The following DAND5 variants were observed in gnomAD, a reference collection of about 807,000 sequenced individuals.
DAND5 encodes DAN domain family member 5.
Under a neutral mutation model 9.2 loss-of-function variants are expected in DAND5, and 8 were observed. That is an observed-to-expected ratio of 0.87 (90% confidence interval 0.51 to 1.56). The LOEUF is 1.56. Ranked by LOEUF, DAND5 falls within the 40% of genes most tolerant of loss-of-function variation. DAND5 has a pLI of 0.00. For missense variants in DAND5, 244 were observed against 244.7 expected (o/e 1.00, Z 0.02); for synonymous variants, 95 against 101.1 (o/e 0.94, Z 0.36).
Position 12,973,862 on chromosome 19 carries a change from AC to A in DAND5, c.*229del. ...CACAGCACACAATGATTGACAACTC[AC>A]TTTTTTTTTTTTTTTTTGAGATGGA... On this transcript the variant is annotated 3_prime_UTR_variant, in exon 2 of 2. Coordinates refer to ENST00000317060, the MANE Select transcript of DAND5 (RefSeq NM_152654.3). 1 of 482,548 alleles carries A rather than the reference AC, an allele frequency of 2.1e-6. No individual in the cohort carries two copies. The highest frequency in any genetic ancestry group is 3.5e-6 in the Non-Finnish European group (1 of 288,184). The allele number at this position is 482,548 out of a possible 1,614,324, so 29.9% of individuals were successfully genotyped here.
intron 1 of DAND5, 115 bp downstream of exon 1, chr19:12,970,099 G>T: frequency 7.9e-7 from 1 of 1,270,782 alleles, no homozygotes. Flanking sequence ...TGAATGTCTC[G>T]GTGCCTCAGT....
intron 1 of DAND5, among the ~76,000 whole-genome samples, chr19:12,972,113 C>T (rs888572299): frequency 5.4e-5 from 8 of 147,914 alleles, no homozygotes; most frequent in African/African-American, 1.5e-4. Context: ...GGCTGGAGTG[C>T]GGTGGTGGGA....
In DAND5 at chr19:12,969,983, A is replaced by G. The variant is rs1272026871; in HGVS notation, c.323A>G (p.Gln108Arg). 1.2e-6 allele frequency: 2 copies of G among 1,613,478 alleles called. No homozygotes were observed. The highest frequency in any genetic ancestry group is 1.7e-6 in the Non-Finnish European group (2 of 1,179,988). The change falls in exon 1 of 2, where the codon CAG (glutamine) becomes CGG (arginine). Residue 108 changes from glutamine to arginine, a missense_variant and splice_region_variant. Gln to Arg is a conservative substitution (Grantham distance 43). Coordinates refer to ENST00000317060, the MANE Select transcript of DAND5 (RefSeq NM_152654.3). The part of the protein sequence containing the change: ...QGMCKAVPFV[Q>R]VFSRPGCSAI... ...ATGTGTAAGGCTGTGCCCTTCGTTC[A>G]GGTGAGTGGGTGGGTGTGGGGAGGA... is the stretch of plus-strand genomic sequence containing the variant.
At chr19:12,973,082 T>A (rs894594278) in intron 1 of DAND5, among the ~76,000 whole-genome samples, 1 of 151,290 alleles carries the variant, frequency 6.6e-6, no homozygotes, top group African/African-American at 2.4e-5. Context: ...CAGGATGGTC[T>A]CGATCTGCTG....
At chr19:12,970,636 T>C in intron 1 of DAND5, 2 of 467,890 alleles carry the variant, frequency 4.3e-6, no homozygotes, top group East Asian at 3.3e-5. Context: ...TTTTTCTTTT[T>C]TTCTCTTTCT....
At chr19:12,971,575 C>A (rs1254700500) in intron 1 of DAND5, among the ~76,000 whole-genome samples, 1 of 151,850 alleles carries the variant, frequency 6.6e-6, no homozygotes, top group Non-Finnish European at 1.5e-5. Context: ...CTGCACCCGG[C>A]CTTCTTTACT....
rs556550672 is a variant in DAND5 at position 12,974,477 on chromosome 19, C to A, written c.*843C>A. ...CCAGTTGCAGGGAGGGTAGATGGCC[C>A]CACCCAGACCGAGAGACACAGTGAT... On this transcript the variant is annotated 3_prime_UTR_variant, in exon 2 of 2. Transcript: ENST00000317060. 6.6e-6 allele frequency: 1 copy of A among 152,052 alleles called. No homozygotes were observed. Among genetic ancestry groups the A allele is most frequent in the Admixed American group, 6.6e-5 (1 of 15,170 alleles). The allele number at this position is 152,052 out of a possible 1,614,324, so 9.4% of individuals were successfully genotyped here. A position where few individuals can be genotyped will look rare whatever the true frequency, so the allele number is the denominator to read the frequency against.
intron 1 of DAND5, among the ~76,000 whole-genome samples, chr19:12,971,676 C>A (rs1021250099): frequency 5.3e-5 from 8 of 151,384 alleles, no homozygotes; most frequent in Admixed American, 1.3e-4. Context: ...ACTGCACCTC[C>A]ATCTCCCGGG....
chr19:12,973,855 A>C lies in DAND5; in HGVS notation c.*221A>C. ...TGATAGTCACAGCACACAATGATTG[A>C]CAACTCACTTTTTTTTTTTTTTTTT... is the stretch of plus-strand genomic sequence containing the variant. On this transcript the variant is annotated 3_prime_UTR_variant, in exon 2 of 2. Transcript: ENST00000317060. The C allele has an allele frequency of 1.8e-6, 1 of 567,344 alleles. No individual in the cohort carries two copies. Among genetic ancestry groups the C allele is most frequent in the Non-Finnish European group, 2.9e-6 (1 of 342,926 alleles). 35.1% of individuals were successfully genotyped at this position (567,344 alleles called of 1,614,324 possible).
chr19:12,970,336 C>A (rs1388072266), intron 1 of DAND5: 7 of 643,564 alleles, frequency 1.1e-5, no homozygotes, highest in Non-Finnish European at 2.0e-5. Context: ...TTTCTGTACT[C>A]TCTGATCCTG....
In DAND5 at chr19:12,973,693, G is replaced by A; in HGVS notation, c.*59G>A. 1 of 1,573,332 alleles carries A rather than the reference G, an allele frequency of 6.4e-7. No homozygotes were observed. The highest frequency in any genetic ancestry group is 1.7e-5 in the Admixed American group (1 of 57,816). ...CACCTTGGAGAAATGAGGGGAGATGGACCAAGAAAGACGTGGACCTGGATG... is the reference window on the plus strand; with the variant it reads ...CACCTTGGAGAAATGAGGGGAGATGAACCAAGAAAGACGTGGACCTGGATG... On this transcript the variant is annotated 3_prime_UTR_variant, in exon 2 of 2. Coordinates refer to ENST00000317060, the MANE Select transcript of DAND5 (RefSeq NM_152654.3).
At position 12,969,952 on chromosome 19, in the gene DAND5, CA is replaced by C. The variant is rs1335595478; in HGVS notation, c.293del (p.Gln98ArgfsTer45). On this transcript the variant is annotated frameshift_variant, in exon 1 of 2. Transcript: ENST00000317060. LOFTEE classifies it low-confidence loss of function (END_TRUNC). ...GCCGCTGAACCCTCAGGAAGTGATC[CA>C]GGGGATGTGTAAGGCTGTGCCCTTC... ...TLPLNPQEVI[Q>X]GMCKAVPFVQ... The C allele has an allele frequency of 1.2e-6, 2 of 1,613,954 alleles. No individual in the cohort carries two copies. The highest frequency in any genetic ancestry group is 3.3e-5 in the Admixed American group (2 of 59,980).
At chr19:12,972,065 T>TG in intron 1 of DAND5, among the ~76,000 whole-genome samples, 1 of 151,452 alleles carries the variant, frequency 6.6e-6, no homozygotes, top group East Asian at 1.9e-4. Flanking sequence ...AATATTTTTT[T>TG]TTTTTTTTTT....
intron 1 of DAND5, chr19:12,970,422 A>C (rs774041285): frequency 1.3e-5 from 9 of 698,462 alleles, no homozygotes; most frequent in Non-Finnish European, 2.3e-5. Flanking sequence ...CCTTTTCCTC[A>C]GACACCAACT....
At chr19:12,970,498 C>T (rs2011140740) in intron 1 of DAND5, 1 of 700,842 alleles carries the variant, frequency 1.4e-6, no homozygotes, top group Non-Finnish European at 2.6e-6. Context: ...AGCTTCTGGC[C>T]TCAAGCAATC....
intron 1 of DAND5, 63 bp downstream of exon 1, chr19:12,970,047 T>TG: frequency 6.3e-7 from 1 of 1,584,486 alleles, no homozygotes; most frequent in Non-Finnish European, 8.6e-7. Context: ...GCACAGGCTG[T>TG]GGCCCAAGAA....
At chr19:12,973,284 A>C in intron 1 of DAND5, 105 bp from the exon 2 acceptor site, 2 of 1,491,438 alleles carry the variant, frequency 1.3e-6, no homozygotes, top group Admixed American at 2.0e-5. Flanking sequence ...GCCTGGCTGC[A>C]GCATCCATGC....
intron 1 of DAND5, among the ~76,000 whole-genome samples, chr19:12,972,821 T>C (rs984298414): frequency 6.6e-6 from 1 of 150,540 alleles, no homozygotes; most frequent in Non-Finnish European, 1.5e-5. Flanking sequence ...GATTACAGGC[T>C]TGAGCCACCA....
Position 12,974,306 on chromosome 19 carries a change from A to G in DAND5, c.*672A>G, listed in dbSNP as rs534938668. On this transcript the variant is annotated 3_prime_UTR_variant, in exon 2 of 2. Transcript: ENST00000317060. ...GCTAATTTTTGTATTTTTAGTAGAG[A>G]CAGAGTTTCACCATATTAGCCTGGC... is the stretch of plus-strand genomic sequence containing the variant. 3 of 152,886 alleles carry G rather than the reference A, an allele frequency of 2.0e-5. No individual in the cohort carries two copies. In the South Asian group the frequency reaches 6.2e-4, roughly 31 times the overall value. The allele number at this position is 152,886 out of a possible 1,614,324, so 9.5% of individuals were successfully genotyped here.
Sources: gnomAD v4.1 joint callset for allele counts (sites outside exome capture counted in the v4.1 genomes callset) on GRCh38, gnomAD v4.1.1 for gene constraint, MANE v1.5 for transcripts, NCBI Gene and HGNC (gene_info 2026-07-23, HGNC 2026-07-21) for gene names.